PDE1C: variants seen among roughly 807,000 people sequenced by gnomAD.
PDE1C encodes the protein dual specificity calcium/calmodulin-dependent 3',5'-cyclic nucleotide phosphodiesterase 1C.
Under a neutral mutation model 93.1 loss-of-function variants are expected in PDE1C, and 62 were observed. The observed-to-expected ratio is 0.67, with a 90% CI of 0.54 to 0.82. The LOEUF is 0.82. PDE1C is among the 40% of genes least tolerant of loss of function. The probability of loss-of-function intolerance (pLI) is 0.00; values close to 1 mark genes in which losing one functional copy is unlikely to be tolerated. For missense variants in PDE1C, 742 were observed against 884.6 expected, an observed-to-expected ratio of 0.84 and a Z score of 2.04; for synonymous variants, 325 against 310.1, an observed-to-expected ratio of 1.05 and a Z score of -0.50.
intron 2 of PDE1C, among the ~76,000 whole-genome samples, chr7:32,184,436 G>A: frequency 6.6e-6 from 1 of 152,182 alleles, no homozygotes; most frequent in East Asian, 1.9e-4. Flanking sequence ...TTAAGAAAAT[G>A]TGGCACATAT....
intron 12 of PDE1C, 82 bp from the exon 13 acceptor site, chr7:31,825,069 A>G: frequency 6.4e-7 from 1 of 1,565,186 alleles, no homozygotes; most frequent in Non-Finnish European, 8.8e-7. Flanking sequence ...CTGATCTAGA[A>G]GTTCCAGATC....
chr7:31,652,436 T>C, the PDE1C span: 19 of 1,488,742 alleles, frequency 1.3e-5, no homozygotes, highest in Non-Finnish European at 1.5e-5. Context: ...CACCTCATAA[T>C]GCCTAGCTCA....
At chr7:31,651,049 G>A in the PDE1C span, 1 of 1,435,934 alleles carries the variant, frequency 7.0e-7, no homozygotes, top group Non-Finnish European at 9.3e-7. Context: ...TGCGAAAAAA[G>A]GGATCCCAAA....
intron 2 of PDE1C, among the ~76,000 whole-genome samples, chr7:32,199,546 T>C (rs556530673): frequency 3.4e-4 from 52 of 152,348 alleles, no homozygotes; most frequent in Admixed American, 1.0e-3. Flanking sequence ...TCTCTCCTTT[T>C]AGTCCTATTC....
At chr7:32,191,386 A>C (rs1804220033) in intron 2 of PDE1C, among the ~76,000 whole-genome samples, 1 of 151,460 alleles carries the variant, frequency 6.6e-6, no homozygotes, top group Non-Finnish European at 1.5e-5. Context: ...TTTTCCTTCC[A>C]CCCTACCCCC....
chr7:31,738,269 G>A, the PDE1C span, among the ~76,000 whole-genome samples: 7 of 152,136 alleles, frequency 4.6e-5, no homozygotes, highest in Non-Finnish European at 8.8e-5. Flanking sequence ...CCTGAGACTG[G>A]GTAATTACAA....
At position 32,015,736 on chromosome 7, in the gene PDE1C, C is replaced by CA. The variant is rs147622568; in HGVS notation, c.128+35817dup. ...AAAATGACAAACTAGAGGAAAACAC[C>CA]AAAAAAAAGATACATGGTTAATATT... On this transcript the variant is annotated intron_variant, in intron 2 of 17. Coordinates refer to ENST00000396191, the MANE Select transcript of PDE1C (RefSeq NM_001191057.4). 2.7e-3 allele frequency among the ~76,000 whole-genome samples: 402 copies of CA among 150,646 alleles called. 1 individual carries two copies. Among genetic ancestry groups the CA allele is most frequent in the African/African-American group, 9.4e-3 (388 of 41,112 alleles).
At chr7:32,393,010 C>A (rs922870039) in intron 1 of PDE1C, among the ~76,000 whole-genome samples, 4 of 130,018 alleles carry the variant, frequency 3.1e-5, no homozygotes, top group African/African-American at 8.5e-5. Flanking sequence ...GATTATGCCA[C>A]TGCACTCCAG....
chr7:31,886,688 G>A (rs1414428722), intron 2 of PDE1C, among the ~76,000 whole-genome samples: 1 of 141,788 alleles, frequency 7.1e-6, no homozygotes, highest in Non-Finnish European at 1.6e-5. Flanking sequence ...AGGCCACGTA[G>A]GGGTCAGCCA....
At position 32,297,981 on chromosome 7, in the gene PDE1C, C is replaced by T. The variant is rs1313320810; in HGVS notation, c.85+670G>A. 5.7e-5 allele frequency among the ~76,000 whole-genome samples: 4 copies of T among 70,560 alleles called. No individual in the cohort carries two copies. In the East Asian group the frequency reaches 2.4e-3, roughly 42 times the overall value. 46.3% of individuals were successfully genotyped at this position (70,560 alleles called of 152,430 possible). On this transcript the variant is annotated intron_variant, in intron 1 of 18. Coordinates refer to the PDE1C transcript ENST00000396193. ...TCTCTCTCTCTCTCTCTCTCTCTCTCTCTCTCTCTCTCTCTCCTCTCTCTC... is the reference window on the plus strand; with the variant it reads ...TCTCTCTCTCTCTCTCTCTCTCTCTTTCTCTCTCTCTCTCTCCTCTCTCTC...
Position 31,989,131 on chromosome 7 carries a change from AAAAG to A in PDE1C, c.128+62419_128+62422del, listed in dbSNP as rs1319949154. Among the ~76,000 whole-genome samples, 3 of 152,218 alleles carry A rather than the reference AAAAG, an allele frequency of 2.0e-5. No homozygotes were observed. In the East Asian group the frequency reaches 5.8e-4, roughly 29 times the overall value. ...GAGAAAGAGAAAGAAAGAGGAAAAG[AAAAG>A]AAAGAAGACAAACACAAATAAATAA... On this transcript the variant is annotated intron_variant, in intron 2 of 17. Coordinates refer to ENST00000396191, the MANE Select transcript of PDE1C (RefSeq NM_001191057.4).
At chr7:32,232,913 C>G (rs1057057686) in intron 1 of PDE1C, among the ~76,000 whole-genome samples, 11 of 152,118 alleles carry the variant, frequency 7.2e-5, no homozygotes, top group Non-Finnish European at 2.9e-5. Context: ...GCTGCCAAAA[C>G]AAAAATATCA....
At chr7:32,052,384 A>G (rs80277934) in intron 1 of PDE1C, 7,223 of 458,222 alleles carry the variant, frequency 0.016, 469 homozygotes, top group African/African-American at 0.13. Flanking sequence ...GCAGACAAGG[A>G]GAAAATGGCC....
At chr7:32,199,708 C>T (rs1373419282) in intron 2 of PDE1C, among the ~76,000 whole-genome samples, 1 of 152,052 alleles carries the variant, frequency 6.6e-6, no homozygotes, top group African/African-American at 2.4e-5. Flanking sequence ...TTTATATCTT[C>T]TGTCATTTTT....
At chr7:32,298,552 C>T in intron 1 of PDE1C, 1 of 1,412,458 alleles carries the variant, frequency 7.1e-7, no homozygotes, top group South Asian at 1.3e-5. Flanking sequence ...CCCAGCCCGA[C>T]CCCTGAGCTC....
intron 2 of PDE1C, among the ~76,000 whole-genome samples, chr7:32,000,219 T>A (rs1484068499): frequency 6.6e-6 from 1 of 152,138 alleles, no homozygotes; most frequent in Non-Finnish European, 1.5e-5. Context: ...GATTTCCTCA[T>A]CTGTAAAATG....
intron 1 of PDE1C, among the ~76,000 whole-genome samples, chr7:32,313,525 T>A (rs955834357): frequency 9.9e-5 from 15 of 151,864 alleles, no homozygotes; most frequent in Non-Finnish European, 1.5e-5. Context: ...AACGATAGAC[T>A]GGATTAAGAA....
chr7:32,023,324 T>C (rs1454429856), intron 2 of PDE1C, among the ~76,000 whole-genome samples: 1 of 152,134 alleles, frequency 6.6e-6, no homozygotes, highest in Non-Finnish European at 1.5e-5. Context: ...AAAAACAACC[T>C]TAGCCACTGT....
the PDE1C span, among the ~76,000 whole-genome samples, chr7:31,706,665 C>T: frequency 6.6e-6 from 1 of 152,296 alleles, no homozygotes; most frequent in East Asian, 1.9e-4. Flanking sequence ...CTTCCTGAGG[C>T]TTACCAGTTC....
Sources: gnomAD v4.1 joint callset for allele counts (sites outside exome capture counted in the v4.1 genomes callset) on GRCh38, gnomAD v4.1.1 for gene constraint, MANE v1.5 for transcripts, NCBI Gene and HGNC (gene_info 2026-07-23, HGNC 2026-07-21) for gene names.